Variants in LITAF observed in about 807,000 individuals in gnomAD.
The protein encoded by LITAF is lipopolysaccharide induced TNF factor, also known as lipopolysaccharide-induced tumor necrosis factor-alpha factor.
In LITAF, 9 loss-of-function variants were observed where a neutral mutation model predicts 14.5. That is an observed-to-expected ratio of 0.62 (90% CI 0.37 to 1.08). The LOEUF (loss-of-function observed/expected upper bound fraction) is 1.08, where lower values mean the gene tolerates loss of function less well. Ranked by LOEUF, LITAF falls within the 50% of genes least tolerant of loss-of-function variation. LITAF has a pLI of 0.01. For missense variants in LITAF, 206 were observed against 213.4 expected, an observed-to-expected ratio of 0.97 and a Z score of 0.22; for synonymous variants, 98 against 88.2, an observed-to-expected ratio of 1.11 and a Z score of -0.62.
chr16:11,626,266 C>G (rs537793839), intron 3 of LITAF, among the ~76,000 whole-genome samples: 2 of 152,300 alleles, frequency 1.3e-5, no homozygotes, highest in Non-Finnish European at 2.9e-5. Flanking sequence ...GCAACCTCTG[C>G]CTCCCAGGTT....
chr16:11,618,215 T>C (rs2065029462), intron 3 of LITAF, among the ~76,000 whole-genome samples: 1 of 152,208 alleles, frequency 6.6e-6, no homozygotes, highest in Non-Finnish European at 1.5e-5. Context: ...TTTTTGTTTC[T>C]TCTCTCCATT....
At chr16:11,603,265 A>G (rs2064937845), upstream of LITAF, among the ~76,000 whole-genome samples, 1 of 152,234 alleles carries the variant, frequency 6.6e-6, no homozygotes, top group African/African-American at 2.4e-5. Context: ...CTTTTGCAAT[A>G]AAATAAAGAC....
At chr16:11,552,817 T>C (rs2064201466) in intron 3 of LITAF, among the ~76,000 whole-genome samples, 1 of 152,034 alleles carries the variant, frequency 6.6e-6, no homozygotes, top group Admixed American at 6.5e-5. Flanking sequence ...CCCCCTACAA[T>C]AAAGAAATGT....
chr16:11,599,650 G>A (rs2064915409), upstream of LITAF, among the ~76,000 whole-genome samples: 1 of 152,110 alleles, frequency 6.6e-6, no homozygotes, highest in African/African-American at 2.4e-5. Context: ...AGCCCAGAGA[G>A]GCGGCAGAGC....
At chr16:11,569,406 A>G (rs1311352626) in intron 1 of LITAF, among the ~76,000 whole-genome samples, 2 of 151,964 alleles carry the variant, frequency 1.3e-5, no homozygotes, top group Non-Finnish European at 2.9e-5. Flanking sequence ...ATGCCTGGCT[A>G]ATTTTTAATT....
intron 3 of LITAF, among the ~76,000 whole-genome samples, chr16:11,620,871 T>G (rs1386618012): frequency 6.6e-6 from 1 of 152,190 alleles, no homozygotes; most frequent in Non-Finnish European, 1.5e-5. Context: ...CTCCAGGACA[T>G]GTCAACACTG....
At chr16:11,626,468 T>A (rs936326679) in intron 3 of LITAF, among the ~76,000 whole-genome samples, 1 of 151,290 alleles carries the variant, frequency 6.6e-6, no homozygotes, top group Non-Finnish European at 1.5e-5. Flanking sequence ...CTCAGCCTCC[T>A]GACTAGCTGG....
chr16:11,638,286 T>C (rs1018700534), upstream of LITAF, among the ~76,000 whole-genome samples: 1 of 151,592 alleles, frequency 6.6e-6, no homozygotes, highest in African/African-American at 2.4e-5. Flanking sequence ...AATGAGATAA[T>C]GCACATAACA....
At position 11,547,872 on chromosome 16, in the gene LITAF, A is replaced by C. The variant is rs1398818680; in HGVS notation, c.*1765T>G. ...GTCATCTTGACATTGCAGGATATTC[A>C]GCAAGTCTGAAGTTTTTAATCGGGA... On this transcript the variant is annotated 3_prime_UTR_variant, in exon 4 of 4. Coordinates refer to ENST00000622633, the MANE Select transcript of LITAF (RefSeq NM_001136472.2). 1 of 454,144 alleles carries C rather than the reference A, an allele frequency of 2.2e-6. No individual in the cohort carries two copies. The highest frequency in any genetic ancestry group is 4.4e-6 in the Non-Finnish European group (1 of 226,798). The allele number at this position is 454,144 out of a possible 1,614,324, so 28.1% of individuals were successfully genotyped here.
Position 11,553,573 on chromosome 16 carries a change from C to T in LITAF, c.337G>A (p.Ala113Thr). 1.2e-6 allele frequency: 2 copies of T among 1,614,152 alleles called. No homozygotes were observed. The highest frequency in any genetic ancestry group is 1.7e-5 in the Admixed American group (1 of 60,022). The change falls in exon 3 of 4, where the codon GCT becomes ACT. Residue 113 changes from alanine (A) to threonine (T), a missense_variant. Physicochemically the swap from Ala to Thr is moderately conservative, Grantham distance 58 (BLOSUM62 0). Transcript: ENST00000622633. The surrounding 1 kb of genome is among the most constrained non-coding windows in gnomAD (Gnocchi z 7.7). ...IVSQLSYNAGALTWLSCGSLC... is the reference protein window; with the variant it reads ...IVSQLSYNAGTLTWLSCGSLC... Reference sequence around the variant, plus strand: ...CTCCCGCAGGACAGCCAGGTCAGAGCACCGGCGTTATAGGACAGCTGACTC... The same window carrying T: ...CTCCCGCAGGACAGCCAGGTCAGAGTACCGGCGTTATAGGACAGCTGACTC...
intron 3 of LITAF, among the ~76,000 whole-genome samples, chr16:11,613,566 C>T (rs939507825): frequency 2.6e-5 from 4 of 152,188 alleles, no homozygotes; most frequent in Non-Finnish European, 5.9e-5. Flanking sequence ...GGGGCCCCTG[C>T]TGATTCAAAC....
chr16:11,549,256 G>A lies in LITAF; in HGVS notation c.*381C>T. On this transcript the variant is annotated 3_prime_UTR_variant, in exon 4 of 4. Transcript: ENST00000622633. This position sits in a 1 kb window ranked among gnomAD's most constrained non-coding sequence, Gnocchi z 4.6. ...CAGCCTCAAAAATAAGGCAACTGTG[G>A]CTTCTCAGTTTGAGACTGCCACCAG... The A allele has an allele frequency of 2.3e-6, 1 of 436,688 alleles. No homozygotes were observed. Among genetic ancestry groups the A allele is most frequent in the Non-Finnish European group, 4.6e-6 (1 of 218,168 alleles). 27.1% of individuals were successfully genotyped at this position (436,688 alleles called of 1,614,324 possible). A position where few individuals can be genotyped will look rare whatever the true frequency, so the allele number is the denominator to read the frequency against.
intron 3 of LITAF, among the ~76,000 whole-genome samples, chr16:11,624,579 G>C (rs11864027): frequency 0.011 from 1,679 of 152,342 alleles, 25 homozygotes; most frequent in African/African-American, 0.036. Context: ...TGCACAGCAA[G>C]GCTGCCGTGA....
intron 3 of LITAF, among the ~76,000 whole-genome samples, chr16:11,633,161 C>T (rs547672077): frequency 6.6e-6 from 1 of 152,300 alleles, no homozygotes; most frequent in South Asian, 2.1e-4. Flanking sequence ...GACATATTCC[C>T]AGGGGTGCAC....
chr16:11,591,949 T>G (rs1263678570), upstream of LITAF, among the ~76,000 whole-genome samples: 1 of 152,176 alleles, frequency 6.6e-6, no homozygotes, highest in Non-Finnish European at 1.5e-5. Flanking sequence ...AAGAATGAAG[T>G]TGGATCTCTA....
At chr16:11,594,671 T>A (rs1477973585) in intron 1 of LITAF, among the ~76,000 whole-genome samples, 1 of 151,916 alleles carries the variant, frequency 6.6e-6, no homozygotes, top group Non-Finnish European at 1.5e-5. Flanking sequence ...AGGCTAAGAG[T>A]TTGAGACCAG....
chr16:11,635,673 CA>C (rs1446829183), intron 2 of LITAF, among the ~76,000 whole-genome samples: 1 of 152,174 alleles, frequency 6.6e-6, no homozygotes, highest in Admixed American at 6.6e-5. Context: ...GAAAAATGCC[CA>C]AACTGCAACA....
upstream of LITAF, among the ~76,000 whole-genome samples, chr16:11,640,107 G>A (rs534843891): frequency 2.0e-5 from 3 of 152,102 alleles, no homozygotes; most frequent in East Asian, 1.9e-4. Context: ...CTTGTTTGTT[G>A]ACTGTCCTCT....
chr16:11,575,729 G>A (rs954727074), intron 1 of LITAF: 1 of 152,236 alleles, frequency 6.6e-6, no homozygotes, highest in Non-Finnish European at 1.5e-5. Context: ...GGCCAAGGGT[G>A]TCTTCTCCCG....
Sources: gnomAD v4.1 joint callset for allele counts (sites outside exome capture counted in the v4.1 genomes callset) on GRCh38, gnomAD v4.1.1 for gene constraint, Gnocchi (gnomAD v3.1) non-coding constraint, MANE v1.5 for transcripts, NCBI Gene and HGNC (gene_info 2026-07-23, HGNC 2026-07-21) for gene names.